WDR47: variants seen among roughly 807,000 people sequenced by gnomAD.
WDR47 encodes WD repeat domain 47, also known as WD repeat-containing protein 47.
WDR47 carries 32 observed loss-of-function variants against 97.2 expected under a neutral mutation model. The ratio of observed to expected loss-of-function variants is 0.33; its 90% CI spans 0.25 to 0.44. The LOEUF (loss-of-function observed/expected upper bound fraction) is 0.44, where lower values mean the gene tolerates loss of function less well. WDR47 is among the 20% of genes least tolerant of loss of function. The pLI is 1.00. For missense variants in WDR47, 782 were observed against 1,102.3 expected, an observed-to-expected ratio of 0.71 and a Z score of 4.11; for synonymous variants, 375 against 373.5, an observed-to-expected ratio of 1.00 and a Z score of -0.05.
chr1:109,041,682 C>G (rs1233451765), intron 1 of WDR47, 180 bp downstream of exon 1: 1 of 152,576 alleles, frequency 6.6e-6, no homozygotes, highest in East Asian at 1.9e-4. Flanking sequence ...CACCCACGAC[C>G]CCAGCCCCCT....
At chr1:108,992,234 G>T in intron 8 of WDR47, 1 of 831,054 alleles carries the variant, frequency 1.2e-6, no homozygotes, top group Admixed American at 1.7e-5. Flanking sequence ...ATTAAAATAT[G>T]ATGGTAGAAA....
At chr1:109,040,367 G>T (rs778632520) in intron 1 of WDR47, among the ~76,000 whole-genome samples, 2 of 152,114 alleles carry the variant, frequency 1.3e-5, no homozygotes, top group Non-Finnish European at 2.9e-5. Context: ...AACAGGAAAA[G>T]AGGTTGAACA....
intron 14 of WDR47, among the ~76,000 whole-genome samples, chr1:108,972,315 C>G (rs565228510): frequency 1.3e-5 from 2 of 152,214 alleles, no homozygotes; most frequent in East Asian, 3.9e-4. Flanking sequence ...AAGCCACCAT[C>G]ATCTCACCTG....
At chr1:109,034,979 G>A (rs1662833133) in intron 1 of WDR47, among the ~76,000 whole-genome samples, 1 of 151,990 alleles carries the variant, frequency 6.6e-6, no homozygotes, top group South Asian at 2.1e-4. Flanking sequence ...TCTGAGACCG[G>A]GCACAGTGGC....
intron 5 of WDR47, among the ~76,000 whole-genome samples, chr1:109,008,887 C>G (rs199696354): frequency 6.6e-6 from 1 of 152,150 alleles, no homozygotes; most frequent in Non-Finnish European, 1.5e-5. Context: ...GGATTACAGG[C>G]CTGAGCCACC....
chr1:108,985,083 G>A (rs1415274219), intron 10 of WDR47, among the ~76,000 whole-genome samples: 1 of 152,064 alleles, frequency 6.6e-6, no homozygotes, highest in Middle Eastern at 3.2e-3. Flanking sequence ...CTCTCTCCCA[G>A]TGTCTCCTCT....
chr1:108,979,668 A>G (rs1020958963), intron 13 of WDR47, among the ~76,000 whole-genome samples: 1 of 152,236 alleles, frequency 6.6e-6, no homozygotes, highest in African/African-American at 2.4e-5. Context: ...AAATAATCCT[A>G]AAGATAAGAA....
chr1:109,001,475 A>C (rs1290953643), intron 7 of WDR47, among the ~76,000 whole-genome samples: 1 of 152,238 alleles, frequency 6.6e-6, no homozygotes, highest in Non-Finnish European at 1.5e-5. Context: ...CACTTTAGTA[A>C]CAATAAAAAT....
chr1:109,041,151 T>C lies in WDR47; in HGVS notation c.-10+711A>G, dbSNP rs140024014. On this transcript the variant is annotated intron_variant, in intron 1 of 14. Transcript: ENST00000369962. ...CCCCCGCCCCCGCCCCCTTTGCCCA[T>C]GGCCTCGCCCCAGAGCTAGAGTTCC... Among the ~76,000 whole-genome samples, 733 of 65,610 alleles carry C rather than the reference T, an allele frequency of 0.011. 18 individuals carry two copies. The East Asian group carries it at 0.15, about 14-fold the overall frequency. 43.0% of individuals were successfully genotyped at this position (65,610 alleles called of 152,430 possible).
At chr1:108,986,345 A>G (rs889781347) in intron 10 of WDR47, among the ~76,000 whole-genome samples, 178 bp downstream of exon 10, 2 of 152,248 alleles carry the variant, frequency 1.3e-5, no homozygotes, top group Non-Finnish European at 2.9e-5. Flanking sequence ...TTAATGACTT[A>G]AGTATATTTC....
At chr1:108,977,452 C>A (rs1217619029) in intron 13 of WDR47, among the ~76,000 whole-genome samples, 1 of 152,180 alleles carries the variant, frequency 6.6e-6, no homozygotes, top group African/African-American at 2.4e-5. Flanking sequence ...CCACACCCGG[C>A]CAGGTGCAAC....
At chr1:109,032,883 T>G (rs1302555669) in intron 1 of WDR47, among the ~76,000 whole-genome samples, 1 of 151,044 alleles carries the variant, frequency 6.6e-6, no homozygotes, top group African/African-American at 2.4e-5. Context: ...GGTGACAGAG[T>G]GACACTCTGT....
rs921433957 is a variant in WDR47, at chr1:108,970,680, A to C, written c.*750T>G. On this transcript the variant is annotated 3_prime_UTR_variant, in exon 15 of 15. Transcript: ENST00000369962. ...ACATAACTGCTGCTGCTCTGCTTCT[A>C]CAGTTCAGTTTGGAAGGGAGGTATC... 11 of 152,658 alleles carry C rather than the reference A, an allele frequency of 7.2e-5. No individual in the cohort carries two copies. The highest frequency in any genetic ancestry group is 2.2e-4 in the African/African-American group (9 of 41,456). 9.5% of individuals were successfully genotyped at this position (152,658 alleles called of 1,614,324 possible).
chr1:109,011,018 T>C lies in WDR47; in HGVS notation c.1028A>G (p.His343Arg), dbSNP rs1328048268. 3 of 1,613,862 alleles carry C rather than the reference T, an allele frequency of 1.9e-6. No homozygotes were observed. Among genetic ancestry groups the C allele is most frequent in the Admixed American group, 3.3e-5 (2 of 59,940 alleles). The change falls in exon 5 of 15, where the codon CAC (histidine) becomes CGC (arginine). Residue 343 changes from histidine to arginine, a missense_variant. Coordinates refer to ENST00000369962, the MANE Select transcript of WDR47 (RefSeq NM_001142551.2). ...TGGATAATGGAAGTTAGCAAAGGAGTGTGACATTGGAGAAGTTTTGTTTCC... is the reference window on the plus strand; with the variant it reads ...TGGATAATGGAAGTTAGCAAAGGAGCGTGACATTGGAGAAGTTTTGTTTCC... ...DLGNKTSPMS[H>R]SFANFHYPGV...
At chr1:108,974,011 T>C (rs1434753559) in intron 14 of WDR47, among the ~76,000 whole-genome samples, 1 of 152,082 alleles carries the variant, frequency 6.6e-6, no homozygotes, top group Non-Finnish European at 1.5e-5. Context: ...CTGCGCAACA[T>C]GGCAAAATTT....
chr1:109,015,433 C>T (rs1002620849), intron 3 of WDR47, among the ~76,000 whole-genome samples: 3 of 152,078 alleles, frequency 2.0e-5, no homozygotes, highest in Non-Finnish European at 4.4e-5. Flanking sequence ...AAGTGATTCT[C>T]CTACCTCAGC....
chr1:108,982,572 A>G (rs781520024), intron 12 of WDR47, 37 bp downstream of exon 12: 14 of 1,554,506 alleles, frequency 9.0e-6, no homozygotes, highest in Middle Eastern at 3.5e-4. Context: ...CAGATTGAAC[A>G]AAAAGAAAAA....
chr1:108,992,760 C>G, intron 8 of WDR47: 1 of 1,596,242 alleles, frequency 6.3e-7, no homozygotes, highest in Non-Finnish European at 8.5e-7. Context: ...GTTCCTAAAC[C>G]AGAAGAGGAG....
chr1:109,010,919 T>C lies in WDR47; in HGVS notation c.1127A>G (p.Glu376Gly). The part of the protein sequence containing the change: ...ECHSIYEESP[E>G]RDTPVDAQRP... ...ATTTTTATAACCAAATGCTTACCGC[T>C]CAGGGGATTCTTCGTAAATACTGTG... The change falls in exon 5 of 15, where the codon GAG becomes GGG. Residue 376 changes from glutamate to glycine, a missense_variant. Glu to Gly is a moderately conservative substitution (Grantham distance 98). This residue lies in a region of WDR47 where 428 missense variants were observed against 584.3 expected (regional missense o/e 0.73). Transcript: ENST00000369962. 6.2e-7 allele frequency: 1 copy of C among 1,609,536 alleles called. No individual in the cohort carries two copies. Among genetic ancestry groups the C allele is most frequent in the African/African-American group, 1.3e-5 (1 of 74,902 alleles).
Sources: gnomAD v4.1 joint callset for allele counts (sites outside exome capture counted in the v4.1 genomes callset) on GRCh38, gnomAD v4.1.1 for gene constraint, gnomAD v4.1.1 regional missense constraint, MANE v1.5 for transcripts, NCBI Gene and HGNC (gene_info 2026-07-23, HGNC 2026-07-21) for gene names.